IQSEC2: variants seen among roughly 807,000 people sequenced by gnomAD.
The protein encoded by IQSEC2 is IQ motif and SEC7 domain-containing protein 2.
In IQSEC2, 6 loss-of-function variants were observed where a neutral mutation model predicts 74.6. That is an observed-to-expected ratio of 0.08 (90% CI 0.04 to 0.16). IQSEC2 has a LOEUF of 0.16. Among genes scored for constraint, IQSEC2 ranks in the 10% least tolerant of loss-of-function variants. The pLI is 1.00. For missense variants in IQSEC2, 734 were observed against 1,306.2 expected, an observed-to-expected ratio of 0.56 and a Z score of 6.75; for synonymous variants, 494 against 544.5, an observed-to-expected ratio of 0.91 and a Z score of 1.29.
chrX:53,268,702 G>A (rs2074695931), intron 2 of IQSEC2, among the ~76,000 whole-genome samples: 1 of 111,766 alleles, frequency 8.9e-6, no homozygotes, highest in Non-Finnish European at 1.9e-5. Context: ...ACTGCCTCCT[G>A]GATAAAGTTC....
intron 3 of IQSEC2, 130 bp from the exon 4 acceptor site, chrX:53,255,061 G>C: frequency 1.7e-6 from 1 of 597,193 alleles, no homozygotes; most frequent in East Asian, 3.6e-5. Flanking sequence ...GCCAGGCTAG[G>C]TGCTCAGTGT....
At chrX:53,267,360 A>G (rs1018424097) in intron 2 of IQSEC2, among the ~76,000 whole-genome samples, 12 of 112,106 alleles carry the variant, frequency 1.1e-4, no homozygotes, top group Admixed American at 2.8e-4. Context: ...TCATTTTAAT[A>G]TAATAACAGC....
Position 53,320,690 on chromosome X carries a change from G to A in IQSEC2, c.434C>T (p.Thr145Ile). 2 of 1,167,087 alleles carry A rather than the reference G, an allele frequency of 1.7e-6. No individual in the cohort carries two copies. Among genetic ancestry groups the A allele is most frequent in the Non-Finnish European group, 2.3e-6 (2 of 872,641 alleles). The change falls in exon 1 of 15, where the codon ACC becomes ATC. Residue 145 changes from threonine (T) to isoleucine (I), a missense_variant. Coordinates refer to ENST00000642864, the MANE Select transcript of IQSEC2 (RefSeq NM_001111125.3). ...RDASYPLQDT[T>I]GYTARERDVA... Reference sequence around the variant, plus strand: ...GTCACGCTCGCGGGCTGTGTAACCGGTAGTGTCCTGGAGCGGGTAGGAGGC... The same window carrying A: ...GTCACGCTCGCGGGCTGTGTAACCGATAGTGTCCTGGAGCGGGTAGGAGGC...
intron 1 of IQSEC2, among the ~76,000 whole-genome samples, chrX:53,317,901 A>C (rs2075393844): frequency 8.9e-6 from 1 of 111,926 alleles, no homozygotes; most frequent in African/African-American, 3.3e-5. Context: ...GAGAGTGGAA[A>C]GGAGGGAGAC....
downstream of IQSEC2, chrX:53,228,760 C>T (rs1272920516): frequency 8.9e-6 from 1 of 112,225 alleles, no homozygotes; most frequent in Non-Finnish European, 1.9e-5. Flanking sequence ...TTTACTGTCT[C>T]TAGCCTGGAC....
At chrX:53,227,568 C>A, downstream of IQSEC2, 1 of 306,544 alleles carries the variant, frequency 3.3e-6, no homozygotes. Flanking sequence ...CTTGGACTGC[C>A]CATCGGGCAG....
intron 1 of IQSEC2, among the ~76,000 whole-genome samples, chrX:53,309,624 C>T (rs1602370702): frequency 8.9e-6 from 1 of 111,932 alleles, no homozygotes; most frequent in Admixed American, 9.5e-5. Flanking sequence ...GTCTTGGCTG[C>T]CCCAGCCTGC....
intron 1 of IQSEC2, among the ~76,000 whole-genome samples, chrX:53,297,524 G>A (rs191950394): frequency 5.5e-5 from 6 of 109,858 alleles, no homozygotes; most frequent in Admixed American, 1.9e-4. Flanking sequence ...ATGGGGTTTC[G>A]CCATGTTGCC....
chrX:53,290,945 G>C (rs1258320679), intron 2 of IQSEC2, among the ~76,000 whole-genome samples: 1 of 112,504 alleles, frequency 8.9e-6, no homozygotes, highest in Non-Finnish European at 1.9e-5. Flanking sequence ...GCCACTCAGA[G>C]GGGGTGCCCT....
chrX:53,289,707 C>T (rs1315753845), intron 2 of IQSEC2, among the ~76,000 whole-genome samples: 3 of 111,593 alleles, frequency 2.7e-5, no homozygotes, highest in Admixed American at 9.6e-5. Flanking sequence ...TGCTTTAGCC[C>T]CTTCCCATAG....
At chrX:53,264,445 A>T (rs2074622490) in intron 2 of IQSEC2, among the ~76,000 whole-genome samples, 1 of 83,205 alleles carries the variant, frequency 1.2e-5, no homozygotes, top group Admixed American at 1.3e-4. Flanking sequence ...ATGTAGTTGA[A>T]CCCCCGTCCC....
At chrX:53,259,082 T>C (rs1420258140) in intron 2 of IQSEC2, among the ~76,000 whole-genome samples, 2 of 102,846 alleles carry the variant, frequency 1.9e-5, no homozygotes, top group Non-Finnish European at 3.9e-5. Context: ...CCCAGCTACT[T>C]GGGAGGCTGA....
chrX:53,308,431 A>G (rs1202089057), intron 1 of IQSEC2, among the ~76,000 whole-genome samples: 2 of 111,333 alleles, frequency 1.8e-5, no homozygotes, highest in Non-Finnish European at 3.8e-5. Flanking sequence ...GTAATGAGGT[A>G]TAATTACAGT....
At chrX:53,269,388 AG>A (rs1177853003) in intron 2 of IQSEC2, among the ~76,000 whole-genome samples, 2 of 110,759 alleles carry the variant, frequency 1.8e-5, no homozygotes, top group African/African-American at 3.3e-5. Context: ...TGTAAGAAAG[AG>A]GGGGCCCCTC....
At chrX:53,312,447 T>C (rs927811080) in intron 1 of IQSEC2, among the ~76,000 whole-genome samples, 1 of 112,316 alleles carries the variant, frequency 8.9e-6, no homozygotes, top group Non-Finnish European at 1.9e-5. Context: ...TAGAATTCTC[T>C]GCCTGTGATG....
intron 6 of IQSEC2, 98 bp downstream of exon 6, chrX:53,248,623 G>T: frequency 1.1e-6 from 1 of 941,422 alleles, no homozygotes; most frequent in Non-Finnish European, 1.5e-6. Context: ...GTTTTGAAAA[G>T]CTTATCTGAG....
intron 9 of IQSEC2, among the ~76,000 whole-genome samples, 172 bp downstream of exon 9, chrX:53,243,160 G>T (rs1419866951): frequency 8.9e-6 from 1 of 112,125 alleles, no homozygotes; most frequent in African/African-American, 3.2e-5. Flanking sequence ...ATGGGCCTTG[G>T]AATGTGCTCG....
At chrX:53,252,415 T>A (rs1483026191) in intron 4 of IQSEC2, among the ~76,000 whole-genome samples, 2 of 110,472 alleles carry the variant, frequency 1.8e-5, no homozygotes, top group African/African-American at 6.6e-5. Flanking sequence ...TTTAAAAATT[T>A]AAAACATTAA....
chrX:53,270,025 A>T (rs1447423601), intron 2 of IQSEC2, among the ~76,000 whole-genome samples: 1 of 109,340 alleles, frequency 9.1e-6, no homozygotes, highest in South Asian at 4.0e-4. Context: ...ATCTCATTCC[A>T]TTTCATAACT....
Sources: gnomAD v4.1 joint callset for allele counts (sites outside exome capture counted in the v4.1 genomes callset) on GRCh38, gnomAD v4.1.1 for gene constraint, MANE v1.5 for transcripts, NCBI Gene and HGNC (gene_info 2026-07-23, HGNC 2026-07-21) for gene names.